PLOD2: variants seen among roughly 807,000 people sequenced by gnomAD.
PLOD2 encodes lysine hydroxylase 2.
Under a neutral mutation model 101.0 loss-of-function variants are expected in PLOD2, and 65 were observed. That is an observed-to-expected ratio of 0.64 (90% CI 0.53 to 0.79). PLOD2 has a LOEUF of 0.79. PLOD2 is among the 30% of genes least tolerant of loss of function. PLOD2 has a pLI of 0.00. For missense variants in PLOD2, 909 were observed against 914.6 expected, an observed-to-expected ratio of 0.99 and a Z score of 0.08; for synonymous variants, 314 against 302.9, an observed-to-expected ratio of 1.04 and a Z score of -0.38.
At chr3:146,124,973 CA>C (rs2030465237) in intron 1 of PLOD2, among the ~76,000 whole-genome samples, 1 of 152,090 alleles carries the variant, frequency 6.6e-6, no homozygotes, top group Middle Eastern at 3.4e-3. Context: ...GGAATTGTCT[CA>C]AAACACCTAC....
At chr3:146,110,504 T>C (rs921655866) in intron 3 of PLOD2, 56 bp from the exon 4 acceptor site, 1 of 1,420,594 alleles carries the variant, frequency 7.0e-7, no homozygotes, top group African/African-American at 1.4e-5. Flanking sequence ...TCTAGGCACA[T>C]AAACCATGAA....
chr3:146,074,208 T>C (rs1373656062), intron 15 of PLOD2, among the ~76,000 whole-genome samples: 1 of 151,548 alleles, frequency 6.6e-6, no homozygotes, highest in Non-Finnish European at 1.5e-5. Context: ...TTTACTAAAA[T>C]ATTATTAATA....
chr3:146,087,477 G>C (rs1936820956), intron 9 of PLOD2, among the ~76,000 whole-genome samples: 2 of 151,754 alleles, frequency 1.3e-5, no homozygotes, highest in Admixed American at 1.3e-4. Flanking sequence ...CAGATTAATG[G>C]GAAAACCATC....
chr3:146,075,628 CA>C (rs1936306037), intron 15 of PLOD2, among the ~76,000 whole-genome samples: 1 of 151,322 alleles, frequency 6.6e-6, no homozygotes, highest in Non-Finnish European at 1.5e-5. Flanking sequence ...ACAAAATTGT[CA>C]AAAAATAATT....
chr3:146,124,180 A>G lies in PLOD2; in HGVS notation c.159T>C (p.His53=), dbSNP rs1169695896. Residue 53 remains histidine (H), a synonymous_variant, in exon 2 of 20, where the codon CAT becomes CAC. Transcript: ENST00000282903. ...AATATTTGGCTGACTGCATAAATCGATGGAATCCATCACTTTCTTTTGTTG... is the reference window on the plus strand; with the variant it reads ...AATATTTGGCTGACTGCATAAATCGGTGGAATCCATCACTTTCTTTTGTTG... ...TVATKESDGF[H]RFMQSAKYFN... 6.3e-7 allele frequency: 1 copy of G among 1,597,644 alleles called. No individual in the cohort carries two copies. The highest frequency in any genetic ancestry group is 1.3e-5 in the African/African-American group (1 of 74,664).
At chr3:146,098,415 T>C (rs1434248713) in intron 7 of PLOD2, among the ~76,000 whole-genome samples, 1 of 152,050 alleles carries the variant, frequency 6.6e-6, no homozygotes, top group Non-Finnish European at 1.5e-5. Flanking sequence ...AGTATGAAAA[T>C]AATTATTTAA....
At chr3:146,098,861 C>A (rs1937289843) in intron 7 of PLOD2, among the ~76,000 whole-genome samples, 1 of 152,018 alleles carries the variant, frequency 6.6e-6, no homozygotes. Context: ...AAAATCCTTC[C>A]ACCTTTTATA....
At chr3:146,092,385 T>C (rs768225462) in intron 7 of PLOD2, among the ~76,000 whole-genome samples, 2 of 151,964 alleles carry the variant, frequency 1.3e-5, no homozygotes, top group Non-Finnish European at 2.9e-5. Context: ...AAATACTAAG[T>C]AAGCTTTGTC....
At chr3:146,155,385 A>C (rs1475535357) in intron 1 of PLOD2, among the ~76,000 whole-genome samples, 1 of 152,054 alleles carries the variant, frequency 6.6e-6, no homozygotes, top group Non-Finnish European at 1.5e-5. Context: ...ATTCTAGATA[A>C]CTATTTTTAA....
chr3:146,099,374 T>A (rs1937307668), intron 7 of PLOD2, among the ~76,000 whole-genome samples: 1 of 152,118 alleles, frequency 6.6e-6, no homozygotes, highest in South Asian at 2.1e-4. Flanking sequence ...ATCACTAAAT[T>A]CTCAGGACCA....
At chr3:146,083,798 A>G (rs753803287) in intron 11 of PLOD2, among the ~76,000 whole-genome samples, 73 of 151,544 alleles carry the variant, frequency 4.8e-4, no homozygotes, top group Non-Finnish European at 3.7e-4. Context: ...AGCCAGGATG[A>G]TCTCGATCTC....
intron 6 of PLOD2, among the ~76,000 whole-genome samples, chr3:146,103,851 ACACAC>A (rs1559850398): frequency 1.3e-5 from 2 of 150,688 alleles, no homozygotes; most frequent in Non-Finnish European, 3.0e-5. Flanking sequence ...ACACACACAC[ACACAC>A]ACACACACAC....
chr3:146,121,165 T>C lies in PLOD2; in HGVS notation c.285A>G (p.Glu95=). The C allele has an allele frequency of 6.2e-7, 1 of 1,609,060 alleles. No individual in the cohort carries two copies. Among genetic ancestry groups the C allele is most frequent in the Non-Finnish European group, 8.5e-7 (1 of 1,175,546 alleles). Residue 95 remains glutamate, a synonymous_variant, in exon 3 of 20, where the codon GAA becomes GAG. Transcript: ENST00000282903. ...GGGQKVRLMK[E]VMEHYADQDD... ...CTTGATCAGCATAGTGTTCCATGAC[T>C]TCTTTCATTAATCTCACTTTCTGGC...
At chr3:146,121,058 T>C in intron 3 of PLOD2, 54 bp downstream of exon 3, 1 of 1,325,282 alleles carries the variant, frequency 7.5e-7, no homozygotes, top group Non-Finnish European at 1.1e-6. Flanking sequence ...AAATCTCAGC[T>C]CTTTAAAAAG....
chr3:146,091,739 CAG>C, intron 8 of PLOD2, 59 bp downstream of exon 8: 3 of 943,232 alleles, frequency 3.2e-6, no homozygotes, highest in East Asian at 4.8e-5. Flanking sequence ...CTATAAATCA[CAG>C]TATTTCATGA....
Position 146,123,324 on chromosome 3 carries a change from T to A in PLOD2, c.201+814A>T. 3 of 1,125,108 alleles carry A rather than the reference T, an allele frequency of 2.7e-6. No individual in the cohort carries two copies. In the South Asian group the frequency reaches 5.2e-5, roughly 19 times the overall value. The allele number at this position is 1,125,108 out of a possible 1,614,324, so 69.7% of individuals were successfully genotyped here. ...AAAGACTTGGCTGACAGATCCTTCT[T>A]TCTATTAAAAAAAACAAGTAAGTAA... On this transcript the variant is annotated intron_variant, in intron 2 of 19. Transcript: ENST00000282903.
chr3:146,094,797 A>C (rs1937092579), intron 7 of PLOD2, among the ~76,000 whole-genome samples: 2 of 152,210 alleles, frequency 1.3e-5, no homozygotes, highest in East Asian at 3.9e-4. Context: ...AGCTGGAGGC[A>C]TCATGCTACC....
At chr3:146,096,730 G>A (rs1265128875) in intron 7 of PLOD2, among the ~76,000 whole-genome samples, 1 of 149,200 alleles carries the variant, frequency 6.7e-6, no homozygotes, top group Non-Finnish European at 1.5e-5. Context: ...CCGCCCGGAA[G>A]CCACCCCGTC....
intron 4 of PLOD2, 54 bp downstream of exon 4, chr3:146,110,231 G>T: frequency 6.8e-7 from 1 of 1,477,842 alleles, no homozygotes; most frequent in South Asian, 1.1e-5. Context: ...AAAAATGGTT[G>T]TTTCATTAGT....
Sources: allele counts gnomAD v4.1 joint callset (sites outside exome capture counted in the v4.1 genomes callset), GRCh38; gene constraint gnomAD v4.1.1; transcripts MANE v1.5; gene names NCBI Gene and HGNC (gene_info 2026-07-23, HGNC 2026-07-21).